DRC8: variants seen among roughly 807,000 people sequenced by gnomAD.
DRC8 encodes the protein dynein regulatory complex protein 8.
the DRC8 span, among the ~76,000 whole-genome samples, chr1:245,028,579 C>T: frequency 6.6e-6 from 1 of 152,086 alleles, no homozygotes; most frequent in Non-Finnish European, 1.5e-5. Context: ...AAGAAACCCA[C>T]TCTGACCGAG....
chr1:245,076,941 G>A, the DRC8 span, among the ~76,000 whole-genome samples: 23 of 152,108 alleles, frequency 1.5e-4, no homozygotes, highest in Middle Eastern at 0.02. Flanking sequence ...TGGCCAGGAT[G>A]GTCTCGATCT....
chr1:245,028,270 C>T, the DRC8 span, among the ~76,000 whole-genome samples: 6 of 152,292 alleles, frequency 3.9e-5, no homozygotes, highest in East Asian at 1.9e-4. Flanking sequence ...AATCATTTCT[C>T]ATGGCTAAGA....
the DRC8 span, among the ~76,000 whole-genome samples, chr1:245,071,158 G>A: frequency 4.6e-5 from 7 of 152,220 alleles, no homozygotes; most frequent in Non-Finnish European, 8.8e-5. Flanking sequence ...ATTGATCTTC[G>A]TGGGACTATT....
chr1:244,998,442 C>T, the DRC8 span, among the ~76,000 whole-genome samples: 1 of 152,108 alleles, frequency 6.6e-6, no homozygotes, highest in African/African-American at 2.4e-5. Flanking sequence ...TTGAACTGAG[C>T]TCAAGCAATC....
At chr1:245,003,853 C>G in the DRC8 span, among the ~76,000 whole-genome samples, 1 of 152,150 alleles carries the variant, frequency 6.6e-6, no homozygotes, top group African/African-American at 2.4e-5. Flanking sequence ...ATCCTCCCCC[C>G]TCAGCCTCCC....
the DRC8 span, chr1:245,083,365 G>T: frequency 1.5e-6 from 2 of 1,365,240 alleles, no homozygotes; most frequent in Non-Finnish European, 1.0e-6. Context: ...TGCCAAAAGG[G>T]TTGGAGACTG....
chr1:244,984,429 G>C, the DRC8 span, among the ~76,000 whole-genome samples: 1 of 152,146 alleles, frequency 6.6e-6, no homozygotes, highest in Non-Finnish European at 1.5e-5. Flanking sequence ...GTAGGATATA[G>C]TAATCACTGT....
the DRC8 span, among the ~76,000 whole-genome samples, chr1:245,095,662 C>T: frequency 8.5e-5 from 13 of 152,274 alleles, no homozygotes; most frequent in African/African-American, 1.9e-4. Context: ...CCCAAAGAAC[C>T]GGGATTAGAG....
At chr1:245,040,523 A>C in the DRC8 span, among the ~76,000 whole-genome samples, 1 of 152,346 alleles carries the variant, frequency 6.6e-6, no homozygotes, top group Non-Finnish European at 1.5e-5. Context: ...ATCGTCTCAA[A>C]GTTCTAGTCT....
the DRC8 span, among the ~76,000 whole-genome samples, chr1:244,988,574 G>C: frequency 1.3e-5 from 2 of 152,120 alleles, no homozygotes; most frequent in Non-Finnish European, 2.9e-5. Flanking sequence ...AATATTGTTA[G>C]TGAAATGTCA....
At chr1:245,109,030 G>A in the DRC8 span, among the ~76,000 whole-genome samples, 1 of 152,238 alleles carries the variant, frequency 6.6e-6, no homozygotes, top group African/African-American at 2.4e-5. Context: ...AAGGAAGACA[G>A]GAAAGGGAAG....
At chr1:245,044,515 T>G in the DRC8 span, among the ~76,000 whole-genome samples, 8 of 152,100 alleles carry the variant, frequency 5.3e-5, no homozygotes, top group African/African-American at 1.9e-4. Flanking sequence ...ATTTATTTAT[T>G]TTTGAGACGG....
chr1:245,094,502 C>T, the DRC8 span, among the ~76,000 whole-genome samples: 1 of 152,208 alleles, frequency 6.6e-6, no homozygotes, highest in Non-Finnish European at 1.5e-5. Context: ...TTCAGGACAG[C>T]CGCCTGCCTT....
chr1:245,025,923 C>A, the DRC8 span, among the ~76,000 whole-genome samples: 1 of 152,182 alleles, frequency 6.6e-6, no homozygotes, highest in South Asian at 2.1e-4. Flanking sequence ...GATTGTGAGG[C>A]CTCCCCAGCC....
chr1:245,117,662 T>C, the DRC8 span, among the ~76,000 whole-genome samples: 1 of 151,878 alleles, frequency 6.6e-6, no homozygotes, highest in Non-Finnish European at 1.5e-5. Flanking sequence ...ACCTCACACA[T>C]CCACTTAGTT....
the DRC8 span, among the ~76,000 whole-genome samples, chr1:245,019,560 C>T: frequency 2.0e-3 from 304 of 152,124 alleles, 3 homozygotes; most frequent in African/African-American, 7.1e-3. Context: ...CTTGTAGTGA[C>T]AGGGGTGTTG....
the DRC8 span, among the ~76,000 whole-genome samples, chr1:245,028,099 A>G: frequency 3.0e-3 from 453 of 152,288 alleles, 2 homozygotes; most frequent in African/African-American, 9.6e-3. Context: ...TATGTTGCCC[A>G]GGCTGGGCTT....
At chr1:245,000,838 T>A in the DRC8 span, among the ~76,000 whole-genome samples, 1 of 151,604 alleles carries the variant, frequency 6.6e-6, no homozygotes, top group African/African-American at 2.4e-5. Context: ...TCAATAAATA[T>A]TATTGAATGA....
chr1:245,041,859 C>T, the DRC8 span, among the ~76,000 whole-genome samples: 30 of 152,124 alleles, frequency 2.0e-4, no homozygotes, highest in African/African-American at 3.4e-4. Flanking sequence ...GAAAAAGTGG[C>T]GCCTACAAAT....
Sources: gnomAD v4.1 joint callset for allele counts (sites outside exome capture counted in the v4.1 genomes callset) on GRCh38, gnomAD v4.1.1 for gene constraint, MANE v1.5 for transcripts, NCBI Gene and HGNC (gene_info 2026-07-23, HGNC 2026-07-21) for gene names.